The following ANKAR variants were observed in gnomAD, a reference collection of about 807,000 sequenced individuals.
The protein encoded by ANKAR is ankyrin and armadillo repeat-containing protein.
Under a neutral mutation model 146.2 loss-of-function variants are expected in ANKAR, and 136 were observed. The observed-to-expected ratio is 0.93, with a 90% CI of 0.81 to 1.07. The LOEUF is 1.07. ANKAR is among the 50% of genes least tolerant of loss of function. ANKAR has a pLI of 0.00. For synonymous variants in ANKAR, 500 were observed against 575.8 expected (o/e 0.87, Z 1.88); for missense variants, 1,567 against 1,679.9 (o/e 0.93, Z 1.18).
chr2:189,761,014 A>T (rs1006671043), intron 18 of ANKAR: 1 of 127,032 alleles, frequency 7.9e-6, no homozygotes, highest in Admixed American at 8.0e-5. Context: ...CTATGCTTTA[A>T]TACAACAGTG....
At chr2:189,681,263 A>C (rs1020745790) in intron 2 of ANKAR, among the ~76,000 whole-genome samples, 1 of 152,234 alleles carries the variant, frequency 6.6e-6, no homozygotes, top group African/African-American at 2.4e-5. Flanking sequence ...GAGCCTTTGG[A>C]TCATCCAGTT....
At chr2:189,749,004 TG>T (rs1312632797), downstream of ANKAR, among the ~76,000 whole-genome samples, 1 of 152,086 alleles carries the variant, frequency 6.6e-6, no homozygotes, top group African/African-American at 2.4e-5. Flanking sequence ...CCCAGCACTT[TG>T]GGAGGCCAAG....
rs546891021 is a variant in ANKAR, at chr2:189,718,061, G to A, written c.2225-1511G>A. On this transcript the variant is annotated intron_variant, in intron 10 of 22. Transcript: ENST00000684021. Reference sequence around the variant, plus strand: ...TGTAACAAACCTGCACATTGTGCACGTGTACCCTAGAACTTAAAGTATAAT... The same window carrying A: ...TGTAACAAACCTGCACATTGTGCACATGTACCCTAGAACTTAAAGTATAAT... Among the ~76,000 whole-genome samples the A allele has an allele frequency of 1.3e-4, 19 of 147,416 alleles. 1 individual carries two copies. In the East Asian group the frequency reaches 1.6e-3, roughly 13 times the overall value.
At chr2:189,675,386 C>A (rs756244510) in intron 1 of ANKAR, among the ~76,000 whole-genome samples, 3 of 147,938 alleles carry the variant, frequency 2.0e-5, no homozygotes, top group Non-Finnish European at 3.0e-5. Flanking sequence ...TTTTTTTTTT[C>A]TTTTTTTGAA....
intron 7 of ANKAR, among the ~76,000 whole-genome samples, chr2:189,698,420 T>C (rs2037565908): frequency 6.6e-6 from 1 of 152,000 alleles, no homozygotes; most frequent in Non-Finnish European, 1.5e-5. Flanking sequence ...ATAAATTAGA[T>C]AGGCTGCCAT....
At chr2:189,690,788 G>C (rs2036272424) in intron 3 of ANKAR, among the ~76,000 whole-genome samples, 1 of 152,120 alleles carries the variant, frequency 6.6e-6, no homozygotes, top group Non-Finnish European at 1.5e-5. Flanking sequence ...TGGGTGGTGG[G>C]GAGCATGTAT....
At chr2:189,694,948 G>A in intron 5 of ANKAR, 33 bp from the exon 6 acceptor site, 2 of 1,346,884 alleles carry the variant, frequency 1.5e-6, no homozygotes, top group East Asian at 2.5e-5. Flanking sequence ...TTCAAAGTTA[G>A]AGAAACATCT....
chr2:189,702,981 TTAA>T (rs1163195821), intron 7 of ANKAR, among the ~76,000 whole-genome samples: 1 of 152,192 alleles, frequency 6.6e-6, no homozygotes, highest in Non-Finnish European at 1.5e-5. Flanking sequence ...AAGTGCACTA[TTAA>T]TAATTATGCT....
In ANKAR at chr2:189,744,323, T is replaced by C. The variant is rs528814043; in HGVS notation, c.4011-419T>C. Among the ~76,000 whole-genome samples, 15 of 152,336 alleles carry C rather than the reference T, an allele frequency of 9.8e-5. No homozygotes were observed. The East Asian group carries it at 2.9e-3, about 29-fold the overall frequency. The stretch of plus-strand genomic sequence containing the variant: ...GGAAGCTAAATTGTAACATTATAAT[T>C]GATAATTCTAAATAATTTTCATTGG... On this transcript the variant is annotated intron_variant, in intron 21 of 22. Coordinates refer to ENST00000684021, the MANE Select transcript of ANKAR (RefSeq NM_001378068.1).
At chr2:189,760,034 G>A (rs1163006135) in intron 18 of ANKAR, among the ~76,000 whole-genome samples, 2 of 152,150 alleles carry the variant, frequency 1.3e-5, no homozygotes, top group Non-Finnish European at 2.9e-5. Context: ...ATTTAACCCT[G>A]AGTTGACACA....
At chr2:189,709,954 T>TGCTGCTTCCTACAG (rs1298232772) in intron 9 of ANKAR, among the ~76,000 whole-genome samples, 1 of 152,108 alleles carries the variant, frequency 6.6e-6, no homozygotes, top group Non-Finnish European at 1.5e-5. Context: ...GTGGGGGAAG[T>TGCTGCTTCCTACAG]CCTGACAATG....
At chr2:189,710,946 C>T (rs765381523) in intron 9 of ANKAR, 103 bp from the exon 10 acceptor site, 13 of 893,872 alleles carry the variant, frequency 1.5e-5, no homozygotes, top group African/African-American at 3.3e-5. Flanking sequence ...ATAGTGGTGA[C>T]CTCAACTGTT....
chr2:189,709,288 A>G (rs915555470), intron 9 of ANKAR, among the ~76,000 whole-genome samples: 2 of 152,196 alleles, frequency 1.3e-5, no homozygotes, highest in Non-Finnish European at 2.9e-5. Flanking sequence ...TTAATTTCCC[A>G]TTTTTCATAA....
At chr2:189,674,914 T>G (rs1574292045) in intron 1 of ANKAR, 84 bp downstream of exon 1, 1 of 152,550 alleles carries the variant, frequency 6.6e-6, no homozygotes, top group Middle Eastern at 3.4e-3. Context: ...GGTCCCGGGC[T>G]TGACTGGACA....
At chr2:189,714,728 C>T (rs1370609949) in intron 10 of ANKAR, among the ~76,000 whole-genome samples, 1 of 151,900 alleles carries the variant, frequency 6.6e-6, no homozygotes, top group Non-Finnish European at 1.5e-5. Flanking sequence ...GGGCGGATCA[C>T]GAGGTCAGGA....
intron 9 of ANKAR, among the ~76,000 whole-genome samples, chr2:189,708,281 G>A (rs1306365622): frequency 1.3e-5 from 2 of 152,114 alleles, no homozygotes; most frequent in Non-Finnish European, 1.5e-5. Flanking sequence ...TTGAGAGAGA[G>A]GCATAGAGCA....
At chr2:189,681,935 A>G (rs961008751) in intron 2 of ANKAR, among the ~76,000 whole-genome samples, 1 of 152,208 alleles carries the variant, frequency 6.6e-6, no homozygotes, top group Non-Finnish European at 1.5e-5. Flanking sequence ...CTCTACTGCA[A>G]CACTGTAGTA....
chr2:189,741,957 A>T (rs2043377343), intron 20 of ANKAR, among the ~76,000 whole-genome samples: 1 of 152,204 alleles, frequency 6.6e-6, no homozygotes, highest in Non-Finnish European at 1.5e-5. Context: ...GATCTAAGTT[A>T]TTTCTATGAT....
At chr2:189,719,849 C>T (rs1295494166) in intron 11 of ANKAR, 36 bp downstream of exon 11, 5 of 1,511,104 alleles carry the variant, frequency 3.3e-6, no homozygotes, top group Non-Finnish European at 4.5e-6. Flanking sequence ...TTTTGACTGA[C>T]AATAACTCCC....
Sources: allele counts gnomAD v4.1 joint callset (sites outside exome capture counted in the v4.1 genomes callset), GRCh38; gene constraint gnomAD v4.1.1; transcripts MANE v1.5; gene names NCBI Gene and HGNC (gene_info 2026-07-23, HGNC 2026-07-21).